Variants in SV2B observed in about 807,000 individuals in gnomAD.
SV2B encodes solute carrier family 22 member B2.
In SV2B, 41 loss-of-function variants were observed where a neutral mutation model predicts 73.9. The ratio of observed to expected loss-of-function variants is 0.56; its 90% CI spans 0.43 to 0.72. SV2B has a LOEUF of 0.72. Ranked by LOEUF, SV2B falls within the 30% of genes least tolerant of loss-of-function variation. SV2B has a pLI of 0.00. For missense variants in SV2B, 764 were observed against 857.8 expected (o/e 0.89, Z 1.37); for synonymous variants, 314 against 314.2 (o/e 1.00, Z 0.01).
In SV2B at chr15:91,240,090, G is replaced by T. The variant is rs1009599953; in HGVS notation, c.452-11729G>T. Among the ~76,000 whole-genome samples the T allele has an allele frequency of 2.0e-5, 3 of 152,218 alleles. No homozygotes were observed. Among genetic ancestry groups the T allele is most frequent in the Admixed American group, 2.0e-4 (3 of 15,286 alleles). Reference sequence around the variant, plus strand: ...GTTTAATACCTGAACAAAAGCCAGGGTTCCCTTAGCAAGGAAGAAGAGGGA... The same window carrying T: ...GTTTAATACCTGAACAAAAGCCAGGTTTCCCTTAGCAAGGAAGAAGAGGGA... On this transcript the variant is annotated intron_variant, in intron 2 of 12. Coordinates refer to ENST00000394232, the MANE Select transcript of SV2B (RefSeq NM_001323032.3). The surrounding 1 kb of genome is among the most constrained non-coding windows in gnomAD (Gnocchi z 4.6).
rs1471046886 is a variant in SV2B, at chr15:91,234,458, T to C, written c.451+7744T>C. Reference sequence around the variant, plus strand: ...TCAGTCACCAAAGGCAAGGGGAGTGTGGTTATTGTAGTGGACAGCAGAGGC... The same window carrying C: ...TCAGTCACCAAAGGCAAGGGGAGTGCGGTTATTGTAGTGGACAGCAGAGGC... On this transcript the variant is annotated intron_variant, in intron 2 of 12. Transcript: ENST00000394232. This position sits in a 1 kb window ranked among gnomAD's most constrained non-coding sequence, Gnocchi z 5.6. 6.6e-6 allele frequency among the ~76,000 whole-genome samples: 1 copy of C among 152,044 alleles called. No individual in the cohort carries two copies. The highest frequency in any genetic ancestry group is 1.5e-5 in the Non-Finnish European group (1 of 68,006).
chr15:91,125,145 C>T (rs558177035), intron 1 of SV2B, among the ~76,000 whole-genome samples: 36 of 152,202 alleles, frequency 2.4e-4, no homozygotes, highest in Non-Finnish European at 4.0e-4. Context: ...CTTGTAGGGA[C>T]ACTAGTCAGA....
intron 1 of SV2B, among the ~76,000 whole-genome samples, chr15:91,190,492 A>G (rs1259130279): frequency 1.3e-5 from 2 of 152,220 alleles, no homozygotes. Flanking sequence ...TGTTTGCAGT[A>G]GGATTTTGGT....
chr15:91,245,771 G>T lies in SV2B; in HGVS notation c.452-6048G>T, dbSNP rs908567322. On this transcript the variant is annotated intron_variant, in intron 2 of 12. Coordinates refer to ENST00000394232, the MANE Select transcript of SV2B (RefSeq NM_001323032.3). The surrounding 1 kb of genome is among the most constrained non-coding windows in gnomAD (Gnocchi z 4.2). ...CATGTGATACAAAGGAAAAGCAATAGTATGCTGCCAAAAGACTATCAGGGA... is the reference window on the plus strand; with the variant it reads ...CATGTGATACAAAGGAAAAGCAATATTATGCTGCCAAAAGACTATCAGGGA... Among the ~76,000 whole-genome samples, 4 of 152,246 alleles carry T rather than the reference G, an allele frequency of 2.6e-5. No homozygotes were observed. Among genetic ancestry groups the T allele is most frequent in the South Asian group, 2.1e-4 (1 of 4,826 alleles).
chr15:91,205,704 G>A (rs192115131), intron 1 of SV2B, among the ~76,000 whole-genome samples: 77 of 152,240 alleles, frequency 5.1e-4, no homozygotes, highest in African/African-American at 1.4e-3. Context: ...TAATGTAGAT[G>A]TAAGATTTGA....
In SV2B at chr15:91,137,609, T is replaced by C. The variant is rs78946977; in HGVS notation, c.-392+37246T>C. Among the ~76,000 whole-genome samples, 1 of 138,222 alleles carries C rather than the reference T, an allele frequency of 7.2e-6. No homozygotes were observed. The highest frequency in any genetic ancestry group is 2.7e-5 in the African/African-American group (1 of 37,282). 90.7% of individuals were successfully genotyped at this position (138,222 alleles called of 152,430 possible). On this transcript the variant is annotated intron_variant, in intron 1 of 12. Transcript: ENST00000394232. This position sits in a 1 kb window ranked among gnomAD's most constrained non-coding sequence, Gnocchi z 4.9. Reference sequence around the variant, plus strand: ...ATTTCTCATATATATATATATTTCATATATATATTTCATATATACATATAT... The same window carrying C: ...ATTTCTCATATATATATATATTTCACATATATATTTCATATATACATATAT...
intron 2 of SV2B, among the ~76,000 whole-genome samples, chr15:91,246,071 A>G (rs1024367877): frequency 6.6e-6 from 1 of 151,768 alleles, no homozygotes; most frequent in African/African-American, 2.4e-5. Flanking sequence ...TTAGCAAAAA[A>G]AAAAAAAAAA....
Position 91,284,244 on chromosome 15 carries a change from C to T in SV2B, c.1708+23C>T, listed in dbSNP as rs1341867416. The T allele has an allele frequency of 1.2e-6, 2 of 1,613,274 alleles. No homozygotes were observed. Among genetic ancestry groups the T allele is most frequent in the African/African-American group, 2.7e-5 (2 of 74,910 alleles). On this transcript the variant is annotated intron_variant, in intron 11 of 12. Coordinates refer to ENST00000394232, the MANE Select transcript of SV2B (RefSeq NM_001323032.3). This position sits in a 1 kb window ranked among gnomAD's most constrained non-coding sequence, Gnocchi z 4.5. Reference sequence around the variant, plus strand: ...TTGGTGAGTTGCCAGCAGGGTCATTCCTGGGTTCCAACGCGCTGGGGTGGT... The same window carrying T: ...TTGGTGAGTTGCCAGCAGGGTCATTTCTGGGTTCCAACGCGCTGGGGTGGT...
intron 1 of SV2B, among the ~76,000 whole-genome samples, chr15:91,181,756 G>A (rs12594268): frequency 0.31 from 46,778 of 150,706 alleles, 8,060 homozygotes; most frequent in East Asian, 0.7. Flanking sequence ...TAAGGAGGTC[G>A]TCACATGTCA....
intron 1 of SV2B, among the ~76,000 whole-genome samples, chr15:91,147,637 A>G (rs1205281565): frequency 1.3e-5 from 2 of 152,148 alleles, no homozygotes; most frequent in African/African-American, 4.8e-5. Context: ...TTTGGAACAC[A>G]CAAGTCAGAG....
At chr15:91,272,291 G>A (rs2048341793) in intron 9 of SV2B, among the ~76,000 whole-genome samples, 1 of 152,190 alleles carries the variant, frequency 6.6e-6, no homozygotes, top group African/African-American at 2.4e-5. Context: ...GCTAAAAACA[G>A]GATAGAGTTT....
rs2048678977 is a variant in SV2B, at chr15:91,281,472, C to G, written c.1374-256C>G. Among the ~76,000 whole-genome samples, 1 of 152,174 alleles carries G rather than the reference C, an allele frequency of 6.6e-6. No homozygotes were observed. The highest frequency in any genetic ancestry group is 6.5e-5 in the Admixed American group (1 of 15,274). ...GATTCTGACTTAGAAGGTCCGTGGA[C>G]CTGCCTTTGAAAACCAGCAGGTTGG... On this transcript the variant is annotated intron_variant, in intron 9 of 12. Transcript: ENST00000394232. The surrounding 1 kb of genome is among the most constrained non-coding windows in gnomAD (Gnocchi z 4.7).
At chr15:91,119,456 T>C (rs1426654671) in intron 1 of SV2B, among the ~76,000 whole-genome samples, 1 of 152,194 alleles carries the variant, frequency 6.6e-6, no homozygotes. Flanking sequence ...ATACCCAGAG[T>C]GCGACTCGTT....
rs1307392361 is a variant in SV2B at position 91,288,961 on chromosome 15, A to C, written c.1709-560A>C. ...CCAAAGTGCTGGGATTATAGGCCAG[A>C]ATTCCTTTCTTTTTAATGTCTGAGT... On this transcript the variant is annotated intron_variant, in intron 11 of 12. Transcript: ENST00000394232. The surrounding 1 kb of genome is among the most constrained non-coding windows in gnomAD (Gnocchi z 5.8). 6.6e-6 allele frequency among the ~76,000 whole-genome samples: 1 copy of C among 152,128 alleles called. No individual in the cohort carries two copies. Among genetic ancestry groups the C allele is most frequent in the East Asian group, 1.9e-4 (1 of 5,196 alleles).
intron 11 of SV2B, among the ~76,000 whole-genome samples, chr15:91,285,765 C>T (rs2048839321): frequency 6.6e-6 from 1 of 152,112 alleles, no homozygotes; most frequent in South Asian, 2.1e-4. Flanking sequence ...GTTCATGAAG[C>T]AGCTGAGGAA....
chr15:91,291,031 A>G (rs1823030106), intron 12 of SV2B, among the ~76,000 whole-genome samples: 1 of 149,582 alleles, frequency 6.7e-6, no homozygotes, highest in Non-Finnish European at 1.5e-5. Context: ...GTATATATTT[A>G]TGGATTATAT....
At chr15:91,171,790 A>G (rs1160151004) in intron 1 of SV2B, among the ~76,000 whole-genome samples, 1 of 152,180 alleles carries the variant, frequency 6.6e-6, no homozygotes, top group African/African-American at 2.4e-5. Flanking sequence ...GCATTTTGAC[A>G]AAGTCGGTGA....
intron 6 of SV2B, among the ~76,000 whole-genome samples, chr15:91,263,767 C>G (rs2048009602): frequency 6.6e-6 from 1 of 152,178 alleles, no homozygotes; most frequent in South Asian, 2.1e-4. Context: ...ACTTCCCGAA[C>G]ATTTGTGAAC....
At chr15:91,266,956 G>A in intron 7 of SV2B, 1 of 336,146 alleles carries the variant, frequency 3.0e-6, no homozygotes, top group Non-Finnish European at 5.4e-6. Context: ...TAGATAAAAT[G>A]TCTAGTCTGA....
Sources: allele counts gnomAD v4.1 joint callset (sites outside exome capture counted in the v4.1 genomes callset), GRCh38; gene constraint gnomAD v4.1.1; non-coding constraint Gnocchi (gnomAD v3.1); transcripts MANE v1.5; gene names NCBI Gene and HGNC (gene_info 2026-07-23, HGNC 2026-07-21).